The following MAP2K4 variants were observed in gnomAD, a reference collection of about 807,000 sequenced individuals.
The protein encoded by MAP2K4 is mitogen-activated protein kinase kinase 4, also known as dual specificity mitogen-activated protein kinase kinase 4.
In MAP2K4, 4 loss-of-function variants were observed where a neutral mutation model predicts 48.5. The observed-to-expected ratio is 0.08, with a 90% CI of 0.04 to 0.19. The LOEUF (loss-of-function observed/expected upper bound fraction) is 0.19, where lower values mean the gene tolerates loss of function less well. Ranked by LOEUF, MAP2K4 falls within the 10% of genes least tolerant of loss-of-function variation. MAP2K4 has a pLI of 1.00. For missense variants in MAP2K4, 258 were observed against 493.3 expected (o/e 0.52, Z 4.52); for synonymous variants, 166 against 173.1 (o/e 0.96, Z 0.32).
chr17:12,091,633 CTT>C (rs1971566985), intron 3 of MAP2K4, among the ~76,000 whole-genome samples: 1 of 152,020 alleles, frequency 6.6e-6, no homozygotes, highest in African/African-American at 2.4e-5. Context: ...GGAATGTAAT[CTT>C]TTTTTCCTGT....
intron 6 of MAP2K4, 187 bp from the exon 7 acceptor site, chr17:12,113,046 C>T (rs1429685540): frequency 2.1e-6 from 1 of 471,664 alleles, no homozygotes; most frequent in East Asian, 3.1e-5. Context: ...GTTATTAAAG[C>T]TACATGTTTA....
chr17:12,021,147 C>T (rs1194937893), intron 1 of MAP2K4, 146 bp downstream of exon 1: 6 of 437,268 alleles, frequency 1.4e-5, no homozygotes, highest in African/African-American at 1.2e-4. Context: ...CGGCTTCCCG[C>T]CCCGCTCCCG....
chr17:12,035,795 C>T (rs986032677), intron 1 of MAP2K4, among the ~76,000 whole-genome samples: 1 of 152,180 alleles, frequency 6.6e-6, no homozygotes, highest in African/African-American at 2.4e-5. Flanking sequence ...TTCAAATGCT[C>T]AAATCTATCA....
chr17:12,114,033 G>A lies in MAP2K4; in HGVS notation c.813+673G>A, dbSNP rs566208873. ...TTCTTCAATGTTGCCATGGTTCTTTGGGGACCAGCACACTACTAAATGTGA... is the reference window on the plus strand; with the variant it reads ...TTCTTCAATGTTGCCATGGTTCTTTAGGGACCAGCACACTACTAAATGTGA... On this transcript the variant is annotated intron_variant, in intron 7 of 10. Coordinates refer to ENST00000353533, the MANE Select transcript of MAP2K4 (RefSeq NM_003010.4). 4.6e-5 allele frequency among the ~76,000 whole-genome samples: 7 copies of A among 152,206 alleles called. No homozygotes were observed. The South Asian group carries it at 1.4e-3, about 32-fold the overall frequency.
intron 5 of MAP2K4, among the ~76,000 whole-genome samples, chr17:12,109,222 A>C (rs1972225089): frequency 6.6e-6 from 1 of 152,184 alleles, no homozygotes; most frequent in Non-Finnish European, 1.5e-5. Context: ...ACCGCTGTAT[A>C]ACAGGGTGAC....
chr17:12,068,067 G>A (rs1195752417), intron 2 of MAP2K4, among the ~76,000 whole-genome samples: 3 of 152,160 alleles, frequency 2.0e-5, no homozygotes, highest in Non-Finnish European at 2.9e-5. Context: ...GGAAGGAATC[G>A]CATGTATTTG....
At chr17:12,062,258 A>G (rs910034654) in intron 2 of MAP2K4, among the ~76,000 whole-genome samples, 2 of 151,960 alleles carry the variant, frequency 1.3e-5, no homozygotes, top group Non-Finnish European at 2.9e-5. Flanking sequence ...TATATATTCT[A>G]AGTCTTCCTG....
At chr17:12,106,918 C>T (rs192583300) in intron 4 of MAP2K4, among the ~76,000 whole-genome samples, 2 of 151,418 alleles carry the variant, frequency 1.3e-5, no homozygotes, top group Admixed American at 1.3e-4. Context: ...TGAGATAGTT[C>T]CTCGGTTTCT....
intron 4 of MAP2K4, among the ~76,000 whole-genome samples, chr17:12,105,779 C>T (rs929699851): frequency 6.6e-6 from 1 of 151,788 alleles, no homozygotes; most frequent in Non-Finnish European, 1.5e-5. Flanking sequence ...ATCACAAAGA[C>T]CTCTCTATCT....
chr17:12,072,181 G>A (rs966291590), intron 2 of MAP2K4, among the ~76,000 whole-genome samples: 21 of 152,138 alleles, frequency 1.4e-4, no homozygotes, highest in African/African-American at 5.1e-4. Context: ...TCCAAATTAG[G>A]GTTCACTAAG....
chr17:12,104,063 C>T (rs1972029612), intron 4 of MAP2K4, among the ~76,000 whole-genome samples: 2 of 152,134 alleles, frequency 1.3e-5, no homozygotes, highest in South Asian at 2.1e-4. Context: ...TTTAATGATA[C>T]AAATGTCTCC....
intron 2 of MAP2K4, among the ~76,000 whole-genome samples, chr17:12,059,042 A>C (rs961892888): frequency 5.3e-5 from 8 of 151,708 alleles, no homozygotes; most frequent in African/African-American, 1.9e-4. Flanking sequence ...TTTTGGGGGG[A>C]TCTTGGAGGA....
At chr17:12,122,664 A>G (rs1223223306) in intron 7 of MAP2K4, among the ~76,000 whole-genome samples, 1 of 152,206 alleles carries the variant, frequency 6.6e-6, no homozygotes, top group African/African-American at 2.4e-5. Context: ...GTCCTCCAGT[A>G]GAATCCTGAA....
intron 7 of MAP2K4, among the ~76,000 whole-genome samples, chr17:12,117,924 A>G (rs2151581258): frequency 6.6e-6 from 1 of 152,264 alleles, no homozygotes; most frequent in East Asian, 1.9e-4. Context: ...AATAGCTAAA[A>G]ATGAAGATCT....
At chr17:12,092,790 G>A (rs2151559062) in intron 3 of MAP2K4, among the ~76,000 whole-genome samples, 1 of 152,304 alleles carries the variant, frequency 6.6e-6, no homozygotes, top group East Asian at 1.9e-4. Context: ...ACTTTGGGAG[G>A]CCGAGGCAGG....
intron 1 of MAP2K4, among the ~76,000 whole-genome samples, chr17:12,042,773 C>T (rs1269486694): frequency 6.6e-6 from 1 of 152,126 alleles, no homozygotes; most frequent in South Asian, 2.1e-4. Context: ...CTTGGCCAGG[C>T]GCAGTGGCTC....
At chr17:12,035,185 A>T (rs1969554612) in intron 1 of MAP2K4, among the ~76,000 whole-genome samples, 1 of 152,212 alleles carries the variant, frequency 6.6e-6, no homozygotes, top group Non-Finnish European at 1.5e-5. Context: ...TGGAATATAG[A>T]CATTAACTTT....
intron 1 of MAP2K4, among the ~76,000 whole-genome samples, chr17:12,034,407 A>G (rs774680028): frequency 3.9e-5 from 6 of 152,122 alleles, no homozygotes; most frequent in Non-Finnish European, 7.3e-5. Flanking sequence ...TTGATTATTC[A>G]CCTTGATTGC....
At chr17:12,107,666 T>C in intron 4 of MAP2K4, 124 bp from the exon 5 acceptor site, 1 of 835,274 alleles carries the variant, frequency 1.2e-6, no homozygotes, top group Non-Finnish European at 1.9e-6. Context: ...ACAAAAATTA[T>C]TACTAGTTTG....
Sources: gnomAD v4.1 joint callset for allele counts (sites outside exome capture counted in the v4.1 genomes callset) on GRCh38, gnomAD v4.1.1 for gene constraint, MANE v1.5 for transcripts, NCBI Gene and HGNC (gene_info 2026-07-23, HGNC 2026-07-21) for gene names.